JPT2: variants seen among roughly 807,000 people sequenced by gnomAD.
JPT2 encodes Jupiter microtubule associated homolog 2.
In JPT2, 9 loss-of-function variants were observed where a neutral mutation model predicts 15.9. That is an observed-to-expected ratio of 0.57 (90% CI 0.34 to 0.99). JPT2 has a LOEUF of 0.99. Ranked by LOEUF, JPT2 falls within the 50% of genes least tolerant of loss-of-function variation. The pLI, the probability that JPT2 is intolerant of heterozygous loss-of-function variation, is 0.02. For synonymous variants in JPT2, 95 were observed against 91.7 expected (o/e 1.04, Z -0.21); for missense variants, 267 against 252.1 (o/e 1.06, Z -0.40).
chr16:1,685,710 G>A, intron 2 of JPT2, 123 bp downstream of exon 2: 1 of 1,071,510 alleles, frequency 9.3e-7, no homozygotes. Flanking sequence ...TGTTATCAGA[G>A]TTCTTCCAAA....
In JPT2 at chr16:1,700,048, C is replaced by A; in HGVS notation, c.*1050C>A. The A allele has an allele frequency of 2.4e-6, 1 of 416,008 alleles. No homozygotes were observed. Among genetic ancestry groups the A allele is most frequent in the South Asian group, 1.6e-5 (1 of 61,256 alleles). The allele number at this position is 416,008 out of a possible 1,614,324, so 25.8% of individuals were successfully genotyped here. A position where few individuals can be genotyped will look rare whatever the true frequency, so the allele number is the denominator to read the frequency against. On this transcript the variant is annotated 3_prime_UTR_variant, in exon 5 of 5. Coordinates refer to ENST00000248098, the MANE Select transcript of JPT2 (RefSeq NM_144570.3). Reference sequence around the variant, plus strand: ...AGCTTTACATAAATGATTGTTGACTCTGGTCTGTTTCTGACACCTTTCCAG... The same window carrying A: ...AGCTTTACATAAATGATTGTTGACTATGGTCTGTTTCTGACACCTTTCCAG...
chr16:1,683,439 G>T, intron 1 of JPT2: 1 of 1,007,290 alleles, frequency 9.9e-7, no homozygotes, highest in Non-Finnish European at 1.5e-6. Context: ...CTTGGTTATT[G>T]GTTATTTTTA....
rs1308534550 is a variant in JPT2 at position 1,691,874 on chromosome 16, A to G, written c.225A>G (p.Ser75=). Residue 75 remains serine, a synonymous_variant, in exon 3 of 5, where the codon TCA becomes TCG. Transcript: ENST00000248098. ...AAGGAAGTGGTATCTTTGACGAATC[A>G]ACCCCCGTGCAGACTCGACAGCACC... ...GGKGSGIFDE[S]TPVQTRQHLN... is the part of the protein sequence containing the mutation. 4 of 1,614,094 alleles carry G rather than the reference A, an allele frequency of 2.5e-6. No homozygotes were observed. The highest frequency in any genetic ancestry group is 3.4e-6 in the Non-Finnish European group (4 of 1,180,006).
At chr16:1,682,462 A>G (rs1033151521) in intron 1 of JPT2, among the ~76,000 whole-genome samples, 33 of 152,278 alleles carry the variant, frequency 2.2e-4, no homozygotes, top group Non-Finnish European at 1.0e-4. Flanking sequence ...ACCTGAGGTC[A>G]GAAGTTCAAG....
chr16:1,680,271 T>A (rs969414533), intron 1 of JPT2: 4 of 956,460 alleles, frequency 4.2e-6, no homozygotes, highest in Non-Finnish European at 5.0e-6. Context: ...TTGTTTGTGC[T>A]GCCTGGCACT....
intron 1 of JPT2, among the ~76,000 whole-genome samples, chr16:1,678,674 G>T (rs2036994219): frequency 6.6e-6 from 1 of 152,198 alleles, no homozygotes; most frequent in Non-Finnish European, 1.5e-5. Flanking sequence ...GGGCGCCCGC[G>T]TTCCGTGTGG....
chr16:1,692,149 A>T (rs2037108029), intron 3 of JPT2, 164 bp downstream of exon 3: 2 of 896,062 alleles, frequency 2.2e-6, no homozygotes. Context: ...AGTTCCCCTG[A>T]GTCACCCAGG....
rs1021617232 is a variant in JPT2 at position 1,678,285 on chromosome 16, C to T, written c.-28C>T. Reference sequence around the variant, plus strand: ...GCGCTGGGCGGGCGGGAACGGCGCGCGGCGAGCTGAGGGTGGCGGCGGTCG... The same window carrying T: ...GCGCTGGGCGGGCGGGAACGGCGCGTGGCGAGCTGAGGGTGGCGGCGGTCG... On this transcript the variant is annotated 5_prime_UTR_variant, in exon 1 of 5. Coordinates refer to ENST00000248098, the MANE Select transcript of JPT2 (RefSeq NM_144570.3). The T allele has an allele frequency of 8.1e-6, 10 of 1,235,400 alleles. No individual in the cohort carries two copies. The highest frequency in any genetic ancestry group is 1.0e-5 in the Non-Finnish European group (10 of 986,718). 76.5% of individuals were successfully genotyped at this position (1,235,400 alleles called of 1,614,324 possible). A position where few individuals can be genotyped will look rare whatever the true frequency, so the allele number is the denominator to read the frequency against.
Position 1,699,914 on chromosome 16 carries a change from GTCTT to G in JPT2, c.*922_*925del, listed in dbSNP as rs1441353786. 6.6e-6 allele frequency: 2 copies of G among 300,890 alleles called. No individual in the cohort carries two copies. 18.6% of individuals were successfully genotyped at this position (300,890 alleles called of 1,614,324 possible). A position where few individuals can be genotyped will look rare whatever the true frequency, so the allele number is the denominator to read the frequency against. On this transcript the variant is annotated 3_prime_UTR_variant, in exon 5 of 5. Transcript: ENST00000248098. ...AGTGGCTTGTTTAAATTCTTCCTGT[GTCTT>G]TCTTTATTCCTTAATTGGTTGGTGG...
chr16:1,683,348 C>G (rs1039094433), intron 1 of JPT2, among the ~76,000 whole-genome samples: 8 of 151,672 alleles, frequency 5.3e-5, no homozygotes, highest in Admixed American at 3.3e-4. Flanking sequence ...TGGGCTCAAA[C>G]AGTCCTCCCA....
rs2036988404 is a variant in JPT2, at chr16:1,678,279, G to C, written c.-34G>C. The stretch of plus-strand genomic sequence containing the variant: ...GTACCTGCGCTGGGCGGGCGGGAAC[G>C]GCGCGCGGCGAGCTGAGGGTGGCGG... On this transcript the variant is annotated 5_prime_UTR_variant, in exon 1 of 5. Coordinates refer to ENST00000248098, the MANE Select transcript of JPT2 (RefSeq NM_144570.3). The C allele has an allele frequency of 2.4e-6, 3 of 1,234,948 alleles. No individual in the cohort carries two copies. The South Asian group carries it at 1.2e-4, about 51-fold the overall frequency. 76.5% of individuals were successfully genotyped at this position (1,234,948 alleles called of 1,614,324 possible). A position where few individuals can be genotyped will look rare whatever the true frequency, so the allele number is the denominator to read the frequency against.
intron 1 of JPT2, chr16:1,683,641 G>A (rs934625368): frequency 7.3e-7 from 1 of 1,367,040 alleles, no homozygotes; most frequent in Non-Finnish European, 1.0e-6. Flanking sequence ...CAGCCCGTGG[G>A]TCTCTGCAGG....
intron 1 of JPT2, among the ~76,000 whole-genome samples, chr16:1,684,422 CTTAAGT>C (rs1308923401): frequency 6.6e-6 from 1 of 152,076 alleles, no homozygotes; most frequent in Non-Finnish European, 1.5e-5. Context: ...CTTATTAGTT[CTTAAGT>C]TTAAGTTTTT....
At chr16:1,691,092 C>T (rs1013725125) in intron 2 of JPT2, among the ~76,000 whole-genome samples, 1 of 152,238 alleles carries the variant, frequency 6.6e-6, no homozygotes, top group Non-Finnish European at 1.5e-5. Context: ...CTCCATTTAG[C>T]ATAGCACTTT....
rs1214184323 is a variant in JPT2, at chr16:1,701,642, G to A, written c.*2644G>A. The A allele has an allele frequency of 1.3e-5, 2 of 151,250 alleles. No homozygotes were observed. Among genetic ancestry groups the A allele is most frequent in the African/African-American group, 4.9e-5 (2 of 41,098 alleles). The allele number at this position is 151,250 out of a possible 1,614,324, so 9.4% of individuals were successfully genotyped here. A position where few individuals can be genotyped will look rare whatever the true frequency, so the allele number is the denominator to read the frequency against. On this transcript the variant is annotated 3_prime_UTR_variant, in exon 5 of 5. Transcript: ENST00000248098. ...ATGAACGGGTTTTTTTCCCTTGTATGCCACTTGTCCTAACATGTCCTTAAG... is the reference window on the plus strand; with the variant it reads ...ATGAACGGGTTTTTTTCCCTTGTATACCACTTGTCCTAACATGTCCTTAAG...
In JPT2 at chr16:1,697,692, G is replaced by A. The variant is rs148826716; in HGVS notation, c.337-120G>A. On this transcript the variant is annotated intron_variant, in intron 3 of 4. Transcript: ENST00000248098. ...TGTAGAGGATTGGGGGGGTCCTGAG[G>A]TCAGATATACAAGCATTTTTGTAAA... 3.3e-5 allele frequency: 28 copies of A among 849,694 alleles called. No individual in the cohort carries two copies. The East Asian group carries it at 6.4e-4, about 19-fold the overall frequency. 52.6% of individuals were successfully genotyped at this position (849,694 alleles called of 1,614,324 possible).
At position 1,698,279 on chromosome 16, in the gene JPT2, G is replaced by A. The variant is rs1007635238; in HGVS notation, c.385+419G>A. On this transcript the variant is annotated intron_variant, in intron 4 of 4. Transcript: ENST00000248098. The surrounding 1 kb of genome is among the most constrained non-coding windows in gnomAD (Gnocchi z 4.9). ...GAGTGAGCCACTGCTCAGGTTGAGC[G>A]GCAGACTTCGACTCTCCCCACGGCT... 3.3e-5 allele frequency among the ~76,000 whole-genome samples: 5 copies of A among 152,186 alleles called. No individual in the cohort carries two copies. The highest frequency in any genetic ancestry group is 2.1e-4 in the South Asian group (1 of 4,830).
chr16:1,700,201 C>G lies in JPT2; in HGVS notation c.*1203C>G, dbSNP rs2037172068. The G allele has an allele frequency of 2.2e-6, 1 of 455,548 alleles. No individual in the cohort carries two copies. The highest frequency in any genetic ancestry group is 6.9e-5 in the East Asian group (1 of 14,392). The allele number at this position is 455,548 out of a possible 1,614,324, so 28.2% of individuals were successfully genotyped here. On this transcript the variant is annotated 3_prime_UTR_variant, in exon 5 of 5. Coordinates refer to ENST00000248098, the MANE Select transcript of JPT2 (RefSeq NM_144570.3). ...TCCAGAAGAGACTAGAGACCTTAGG[C>G]CAGGAGATGAAGGAGTTCAGTAGCA... is the stretch of plus-strand genomic sequence containing the variant.
chr16:1,692,050 C>G lies in JPT2; in HGVS notation c.336+65C>G. On this transcript the variant is annotated intron_variant, in intron 3 of 4. Transcript: ENST00000248098. ...ATGCCAGGTGCTCTTTCCAAAAAGGCTCCAAGGCAGATGCGACATGTTTTT... is the reference window on the plus strand; with the variant it reads ...ATGCCAGGTGCTCTTTCCAAAAAGGGTCCAAGGCAGATGCGACATGTTTTT... The G allele has an allele frequency of 3.2e-6, 5 of 1,584,464 alleles. No individual in the cohort carries two copies. The African/African-American group carries it at 6.7e-5, about 21-fold the overall frequency.
Sources: gnomAD v4.1 joint callset for allele counts (sites outside exome capture counted in the v4.1 genomes callset) on GRCh38, gnomAD v4.1.1 for gene constraint, Gnocchi (gnomAD v3.1) non-coding constraint, MANE v1.5 for transcripts, NCBI Gene and HGNC (gene_info 2026-07-23, HGNC 2026-07-21) for gene names.